Variants in CHD2 observed in about 807,000 individuals in gnomAD.
CHD2 encodes chromodomain helicase DNA binding protein 2, also known as ATP-dependent chromatin remodeler CHD2.
Under a neutral mutation model 243.9 loss-of-function variants are expected in CHD2, and 28 were observed. The observed-to-expected ratio is 0.11, with a 90% CI of 0.09 to 0.16. CHD2 has a LOEUF of 0.16. CHD2 is among the 10% of genes least tolerant of loss of function. The pLI is 1.00. For missense variants in CHD2, 1,386 were observed against 2,209.8 expected, an observed-to-expected ratio of 0.63 and a Z score of 7.47; for synonymous variants, 775 against 779.0, an observed-to-expected ratio of 0.99 and a Z score of 0.09.
chr15:92,963,719 C>T (rs2053719373), intron 16 of CHD2, among the ~76,000 whole-genome samples: 1 of 152,136 alleles, frequency 6.6e-6, no homozygotes, highest in South Asian at 2.1e-4. Context: ...CCGTATGACA[C>T]AGTCAATAAG....
intron 5 of CHD2, among the ~76,000 whole-genome samples, chr15:92,937,063 G>GT (rs1478440789): frequency 1.3e-5 from 2 of 152,108 alleles, no homozygotes; most frequent in African/African-American, 4.8e-5. Context: ...GAGGTGTCTT[G>GT]TATTGCTCAG....
chr15:93,003,577 C>CTTTT (rs777417349), intron 33 of CHD2, among the ~76,000 whole-genome samples: 4 of 128,390 alleles, frequency 3.1e-5, no homozygotes, highest in Non-Finnish European at 6.7e-5. Context: ...CTTTAAGTGG[C>CTTTT]TTTTTTTTTT....
chr15:92,928,552 T>C (rs1381086091), intron 4 of CHD2, among the ~76,000 whole-genome samples: 1 of 152,260 alleles, frequency 6.6e-6, no homozygotes, highest in East Asian at 1.9e-4. Flanking sequence ...GCACACTGAC[T>C]AAATGTTGTG....
chr15:92,979,843 G>A (rs767108610), intron 22 of CHD2, among the ~76,000 whole-genome samples: 76 of 151,858 alleles, frequency 5.0e-4, no homozygotes, highest in Non-Finnish European at 9.3e-4. Flanking sequence ...GCGTGAACCC[G>A]GGAAGTGGAG....
At chr15:93,004,557 C>A in intron 33 of CHD2, 60 bp from the exon 34 acceptor site, 1 of 1,482,918 alleles carries the variant, frequency 6.7e-7, no homozygotes, top group South Asian at 1.5e-5. Flanking sequence ...GGTAAGAAAC[C>A]TAAATCGCAC....
At chr15:92,937,096 C>T (rs1477792103) in intron 5 of CHD2, among the ~76,000 whole-genome samples, 5 of 152,140 alleles carry the variant, frequency 3.3e-5, no homozygotes, top group Non-Finnish European at 7.3e-5. Flanking sequence ...CTCCTGGACT[C>T]AAGTGAAACT....
intron 9 of CHD2, 136 bp from the exon 10 acceptor site, chr15:92,944,279 T>C (rs2053428297): frequency 2.0e-6 from 1 of 503,316 alleles, no homozygotes; most frequent in South Asian, 3.2e-5. Flanking sequence ...TCTGGCGTAA[T>C]TACTAGTAAA....
At chr15:92,964,756 A>C (rs931383442) in intron 16 of CHD2, among the ~76,000 whole-genome samples, 5 of 152,212 alleles carry the variant, frequency 3.3e-5, no homozygotes, top group African/African-American at 1.2e-4. Flanking sequence ...AAGGGTAGAA[A>C]AAGATATGAC....
At chr15:92,981,549 C>T (rs769647518) in intron 24 of CHD2, 92 bp downstream of exon 24, 23 of 925,304 alleles carry the variant, frequency 2.5e-5, no homozygotes, top group Non-Finnish European at 3.7e-5. Context: ...AGGCGCTCTG[C>T]TTTTCTCTTT....
At chr15:92,991,031 A>G (rs922820229) in intron 26 of CHD2, among the ~76,000 whole-genome samples, 4 of 152,234 alleles carry the variant, frequency 2.6e-5, no homozygotes, top group Non-Finnish European at 5.9e-5. Context: ...CTGAAAAATC[A>G]TTGGTTTTCT....
chr15:92,903,890 C>T (rs1381509206), intron 2 of CHD2, among the ~76,000 whole-genome samples: 1 of 152,172 alleles, frequency 6.6e-6, no homozygotes, highest in Non-Finnish European at 1.5e-5. Context: ...CTACAATTTT[C>T]AGGGGCGCTT....
intron 16 of CHD2, among the ~76,000 whole-genome samples, chr15:92,957,917 A>T (rs920080651): frequency 5.9e-5 from 9 of 152,066 alleles, no homozygotes; most frequent in Non-Finnish European, 1.2e-4. Context: ...GAATCCTAAT[A>T]TGTAGGCTTT....
At chr15:92,931,577 G>A (rs987862541) in intron 5 of CHD2, among the ~76,000 whole-genome samples, 9 of 151,856 alleles carry the variant, frequency 5.9e-5, no homozygotes, top group East Asian at 1.9e-4. Flanking sequence ...GTCTCACTAC[G>A]TTGCCCTGGC....
chr15:92,994,674 C>A (rs930327746), intron 28 of CHD2, among the ~76,000 whole-genome samples: 6 of 152,140 alleles, frequency 3.9e-5, no homozygotes, highest in Non-Finnish European at 7.4e-5. Flanking sequence ...AAAACGTATT[C>A]CTGTTACTTC....
At chr15:92,921,133 G>T (rs907099168) in intron 2 of CHD2, among the ~76,000 whole-genome samples, 3 of 152,124 alleles carry the variant, frequency 2.0e-5, no homozygotes, top group Non-Finnish European at 4.4e-5. Flanking sequence ...TATTGTGGAA[G>T]TATCTGATAG....
intron 7 of CHD2, among the ~76,000 whole-genome samples, chr15:92,940,206 C>CA (rs926099124): frequency 6.6e-6 from 1 of 152,138 alleles, no homozygotes; most frequent in African/African-American, 2.4e-5. Flanking sequence ...GTAATTCCAA[C>CA]ACTTTGGGAG....
At chr15:92,982,240 T>C (rs2053989081) in intron 24 of CHD2, among the ~76,000 whole-genome samples, 1 of 152,066 alleles carries the variant, frequency 6.6e-6, no homozygotes, top group South Asian at 2.1e-4. Flanking sequence ...CAAGTACACT[T>C]TAGGGAAGAG....
intron 16 of CHD2, among the ~76,000 whole-genome samples, chr15:92,960,011 A>C (rs369834752): frequency 6.6e-6 from 1 of 152,194 alleles, no homozygotes; most frequent in Admixed American, 6.5e-5. Context: ...AATCATGGAA[A>C]GTTTTTCTCC....
intron 7 of CHD2, among the ~76,000 whole-genome samples, chr15:92,940,700 T>G (rs1349564978): frequency 1.3e-5 from 2 of 149,624 alleles, no homozygotes; most frequent in African/African-American, 4.9e-5. Context: ...CATCCAGGAT[T>G]GTTTTTCTTT....
Sources: allele counts gnomAD v4.1 joint callset (sites outside exome capture counted in the v4.1 genomes callset), GRCh38; gene constraint gnomAD v4.1.1; transcripts MANE v1.5; gene names NCBI Gene and HGNC (gene_info 2026-07-23, HGNC 2026-07-21).